CYLD: variants seen among roughly 807,000 people sequenced by gnomAD.
The protein encoded by CYLD is ubiquitin carboxyl-terminal hydrolase CYLD.
A neutral mutation model predicts 104.5 loss-of-function variants in CYLD; 26 were observed. That is an observed-to-expected ratio of 0.25 (90% CI 0.18 to 0.35). The LOEUF (loss-of-function observed/expected upper bound fraction) is 0.35, where lower values mean the gene tolerates loss of function less well. CYLD is among the 10% of genes least tolerant of loss of function. The probability of loss-of-function intolerance (pLI) is 1.00; values close to 1 mark genes in which losing one functional copy is unlikely to be tolerated. For missense variants in CYLD, 703 were observed against 1,136.1 expected, an observed-to-expected ratio of 0.62 and a Z score of 5.48; for synonymous variants, 385 against 399.9, an observed-to-expected ratio of 0.96 and a Z score of 0.45.
In CYLD at chr16:50,800,071, G is replaced by A. The variant is rs190533095; in HGVS notation, c.*3563G>A. On this transcript the variant is annotated 3_prime_UTR_variant, in exon 19 of 19. Transcript: ENST00000427738. ...ACAGAAAAAGTGGCAGAGTAGGGACGAGAGACCTGCATTCTAGCCCTGTTT... is the reference window on the plus strand; with the variant it reads ...ACAGAAAAAGTGGCAGAGTAGGGACAAGAGACCTGCATTCTAGCCCTGTTT... The A allele has an allele frequency of 3.0e-5, 7 of 233,170 alleles. No individual in the cohort carries two copies. Among genetic ancestry groups the A allele is most frequent in the African/African-American group, 1.1e-4 (5 of 45,444 alleles). The allele number at this position is 233,170 out of a possible 1,614,324, so 14.4% of individuals were successfully genotyped here. A position where few individuals can be genotyped will look rare whatever the true frequency, so the allele number is the denominator to read the frequency against.
At chr16:50,753,925 G>A (rs1966819265) in intron 4 of CYLD, among the ~76,000 whole-genome samples, 1 of 152,146 alleles carries the variant, frequency 6.6e-6, no homozygotes, top group Admixed American at 6.5e-5. Context: ...CTAATTAGAG[G>A]CAGGTTTCTG....
Position 50,751,614 on chromosome 16 carries a change from G to A in CYLD, c.515G>A (p.Arg172His), listed in dbSNP as rs1219465670. The A allele has an allele frequency of 1.2e-5, 20 of 1,613,128 alleles. No homozygotes were observed. Among genetic ancestry groups the A allele is most frequent in the South Asian group, 4.4e-5 (4 of 91,014 alleles). Reference protein sequence around the residue: ...FFGVELLEEGRGQGFTDGVYQ... With the variant: ...FFGVELLEEGHGQGFTDGVYQ... ...TCTCTTAAAAACTAGGAAGAAGGTC[G>A]TGGTCAAGGTTTCACTGACGGGGTG... The change falls in exon 4 of 19, where the codon CGT (arginine) becomes CAT (histidine). Residue 172 changes from arginine to histidine, a missense_variant. By Grantham distance (29) the Arg-to-His change is conservative. This residue lies in a region of CYLD where 123 missense variants were observed against 213.3 expected (regional missense o/e 0.58). Transcript: ENST00000427738.
intron 3 of CYLD, among the ~76,000 whole-genome samples, chr16:50,751,348 G>A (rs1435830816): frequency 2.6e-5 from 4 of 152,138 alleles, no homozygotes; most frequent in African/African-American, 7.2e-5. Context: ...GAATCACAAC[G>A]TGGAATTCAG....
chr16:50,786,825 A>G (rs751995869), intron 12 of CYLD, 30 bp from the exon 13 acceptor site: 6 of 1,408,974 alleles, frequency 4.3e-6, no homozygotes, highest in Non-Finnish European at 6.0e-6. Flanking sequence ...ATACATGCCA[A>G]TATCAATTAA....
chr16:50,789,938 G>T (rs1279529072), intron 14 of CYLD, among the ~76,000 whole-genome samples: 1 of 152,118 alleles, frequency 6.6e-6, no homozygotes, highest in African/African-American at 2.4e-5. Context: ...AGAGAGAATT[G>T]CTCATTTGGA....
At position 50,793,563 on chromosome 16, in the gene CYLD, A is replaced by G; in HGVS notation, c.2368A>G (p.Ile790Val). The G allele has an allele frequency of 6.2e-7, 1 of 1,612,996 alleles. No homozygotes were observed. Among genetic ancestry groups the G allele is most frequent in the Admixed American group, 1.7e-5 (1 of 60,000 alleles). Residue 790 changes from isoleucine to valine, a missense_variant, in exon 17 of 19, where the codon ATA becomes GTA. Ile to Val is a conservative substitution (Grantham distance 29). This residue lies in a region of CYLD where 130 missense variants were observed against 220.2 expected (regional missense o/e 0.59). Coordinates refer to ENST00000427738, the MANE Select transcript of CYLD (RefSeq NM_001378743.1). The part of the protein sequence containing the change: ...LLEDTPRQCR[I>V]CGGLAMYECR... ...CATTTCAGCTCCCAGACAGTGCCGG[A>G]TATGTGGAGGGCTTGCAATGTATGA...
At chr16:50,765,276 C>G (rs1968373967) in intron 5 of CYLD, among the ~76,000 whole-genome samples, 1 of 152,110 alleles carries the variant, frequency 6.6e-6, no homozygotes, top group South Asian at 2.1e-4. Flanking sequence ...CAAACTTTTT[C>G]ATTATTATTA....
At chr16:50,786,768 A>C in intron 12 of CYLD, 87 bp from the exon 13 acceptor site, 1 of 1,070,376 alleles carries the variant, frequency 9.3e-7, no homozygotes, top group Non-Finnish European at 1.4e-6. Flanking sequence ...TCTCAAAAAA[A>C]AAAAAGAAAA....
intron 10 of CYLD, 137 bp from the exon 11 acceptor site, chr16:50,782,188 C>T (rs909000946): frequency 3.1e-6 from 2 of 651,796 alleles, no homozygotes; most frequent in Non-Finnish European, 5.1e-6. Flanking sequence ...TTAACCAAAG[C>T]CTACTTTCCA....
At chr16:50,761,097 T>G (rs1276719575) in intron 5 of CYLD, among the ~76,000 whole-genome samples, 3 of 152,236 alleles carry the variant, frequency 2.0e-5, no homozygotes, top group African/African-American at 7.2e-5. Flanking sequence ...GTGAACTGTT[T>G]GCATCTGTTG....
chr16:50,796,783 T>G lies in CYLD; in HGVS notation c.*275T>G. The G allele has an allele frequency of 2.3e-6, 1 of 444,320 alleles. No homozygotes were observed. The highest frequency in any genetic ancestry group is 3.8e-5 in the East Asian group (1 of 26,362). The allele number at this position is 444,320 out of a possible 1,614,324, so 27.5% of individuals were successfully genotyped here. On this transcript the variant is annotated 3_prime_UTR_variant, in exon 19 of 19. Coordinates refer to ENST00000427738, the MANE Select transcript of CYLD (RefSeq NM_001378743.1). Reference sequence around the variant, plus strand: ...ACCTGAAGCTTTAAGTTAAGTGCATTGATCATATGATATTTTTGGAAGCAT... The same window carrying G: ...ACCTGAAGCTTTAAGTTAAGTGCATGGATCATATGATATTTTTGGAAGCAT...
chr16:50,759,292 A>G (rs1448073018), intron 5 of CYLD, among the ~76,000 whole-genome samples: 2 of 152,202 alleles, frequency 1.3e-5, no homozygotes, highest in Non-Finnish European at 2.9e-5. Context: ...ATATATAACA[A>G]CATATATTAA....
intron 5 of CYLD, among the ~76,000 whole-genome samples, chr16:50,760,238 A>G (rs1047920440): frequency 5.3e-5 from 8 of 152,240 alleles, no homozygotes; most frequent in African/African-American, 1.9e-4. Flanking sequence ...GAAGTCACAC[A>G]TATAATGACA....
intron 12 of CYLD, chr16:50,785,306 A>C (rs1244444956): frequency 6.6e-6 from 1 of 152,230 alleles, no homozygotes; most frequent in Non-Finnish European, 1.5e-5. Flanking sequence ...TTTGATATCA[A>C]ATTTGAACCA....
In CYLD at chr16:50,786,744, A is replaced by G. The variant is rs1970872329; in HGVS notation, c.1950-111A>G. 3.8e-6 allele frequency: 3 copies of G among 786,340 alleles called. No individual in the cohort carries two copies. In the Admixed American group the frequency reaches 7.0e-5, roughly 18 times the overall value. The allele number at this position is 786,340 out of a possible 1,614,324, so 48.7% of individuals were successfully genotyped here. On this transcript the variant is annotated intron_variant, in intron 12 of 18. Transcript: ENST00000427738. ...CACTGCACACTCCAGCCTGAGTGATAGAGTGAGACTCTATCTCAAAAAAAA... is the reference window on the plus strand; with the variant it reads ...CACTGCACACTCCAGCCTGAGTGATGGAGTGAGACTCTATCTCAAAAAAAA...
At chr16:50,760,228 G>C (rs1295468011) in intron 5 of CYLD, among the ~76,000 whole-genome samples, 2 of 152,096 alleles carry the variant, frequency 1.3e-5, no homozygotes, top group Non-Finnish European at 2.9e-5. Flanking sequence ...ATTTCAGATA[G>C]AAGTCACACA....
Position 50,779,859 on chromosome 16 carries a change from G to A in CYLD, c.1333G>A (p.Val445Ile), listed in dbSNP as rs2150991244. 3.1e-6 allele frequency: 5 copies of A among 1,613,968 alleles called. No homozygotes were observed. Among genetic ancestry groups the A allele is most frequent in the Non-Finnish European group, 4.2e-6 (5 of 1,179,996 alleles). ...TCCACTTTCTCTGTCAGCCCAGTCT[G>A]TAATGGAAGAGCTAAACACTGCACC... is the stretch of plus-strand genomic sequence containing the variant. ...HSPLSLSAQS[V>I]MEELNTAPVQ... Residue 445 changes from valine (V) to isoleucine (I), a missense_variant, in exon 9 of 19, where the codon GTA becomes ATA. Transcript: ENST00000427738.
chr16:50,742,530 A>T (rs1441968124), intron 1 of CYLD: 1 of 320,668 alleles, frequency 3.1e-6, no homozygotes, highest in East Asian at 4.7e-5. Context: ...GCCGCGCGGG[A>T]CGCTGTCCCC....
At chr16:50,750,509 A>G (rs1336823745) in intron 3 of CYLD, among the ~76,000 whole-genome samples, 1 of 152,208 alleles carries the variant, frequency 6.6e-6, no homozygotes, top group African/African-American at 2.4e-5. Context: ...GAGAACTTAA[A>G]TGTCAATTAT....
Sources: gnomAD v4.1 joint callset for allele counts (sites outside exome capture counted in the v4.1 genomes callset) on GRCh38, gnomAD v4.1.1 for gene constraint, gnomAD v4.1.1 regional missense constraint, MANE v1.5 for transcripts, NCBI Gene and HGNC (gene_info 2026-07-23, HGNC 2026-07-21) for gene names.